SLC13A4: variants seen among roughly 807,000 people sequenced by gnomAD.
SLC13A4 encodes the protein solute carrier family 13 member 4, also known as Na(+)/sulfate cotransporter SUT-1.
SLC13A4 carries 28 observed loss-of-function variants against 72.7 expected under a neutral mutation model. The observed-to-expected ratio is 0.39, with a 90% CI of 0.29 to 0.53. SLC13A4 has a LOEUF of 0.53. Ranked by LOEUF, SLC13A4 falls within the 20% of genes least tolerant of loss-of-function variation. The pLI, the probability that SLC13A4 is intolerant of heterozygous loss-of-function variation, is 0.78. For missense variants in SLC13A4, 653 were observed against 788.0 expected, an observed-to-expected ratio of 0.83 and a Z score of 2.05; for synonymous variants, 312 against 325.5, an observed-to-expected ratio of 0.96 and a Z score of 0.45.
chr7:135,694,517 C>A (rs908557501), intron 9 of SLC13A4, among the ~76,000 whole-genome samples: 13 of 152,134 alleles, frequency 8.5e-5, no homozygotes, highest in African/African-American at 2.9e-4. Context: ...CAAGTGTATT[C>A]GTGTGGGGTC....
intron 2 of SLC13A4, among the ~76,000 whole-genome samples, chr7:135,720,523 A>G (rs1584741761): frequency 1.4e-5 from 2 of 144,916 alleles, no homozygotes; most frequent in African/African-American, 5.2e-5. Context: ...CCATAACCTT[A>G]CCCCCATCTC....
intron 15 of SLC13A4, among the ~76,000 whole-genome samples, chr7:135,681,974 T>C (rs1584711209): frequency 6.6e-6 from 1 of 152,218 alleles, no homozygotes; most frequent in South Asian, 2.1e-4. Flanking sequence ...ACACCCACTC[T>C]GTGGAACGTG....
intron 8 of SLC13A4, among the ~76,000 whole-genome samples, chr7:135,696,097 G>C (rs907716170): frequency 6.6e-6 from 1 of 152,170 alleles, no homozygotes; most frequent in African/African-American, 2.4e-5. Context: ...GGGGAGCCTG[G>C]ATGGACCACG....
chr7:135,685,911 A>G (rs902503095), intron 13 of SLC13A4, among the ~76,000 whole-genome samples: 19 of 152,336 alleles, frequency 1.2e-4, no homozygotes, highest in Middle Eastern at 3.4e-3. Context: ...GGGTTTCGTC[A>G]TGGGACATGG....
chr7:135,701,624 A>T, intron 7 of SLC13A4, 56 bp downstream of exon 7: 1 of 1,551,206 alleles, frequency 6.4e-7, no homozygotes, highest in Admixed American at 1.7e-5. Context: ...TGCCCTTGGG[A>T]AGCAGTTCAC....
intron 2 of SLC13A4, among the ~76,000 whole-genome samples, chr7:135,710,668 TTG>T (rs772583204): frequency 4.6e-5 from 7 of 152,190 alleles, no homozygotes; most frequent in Non-Finnish European, 7.4e-5. Flanking sequence ...TTTTTAAACT[TTG>T]TGCACGAAAC....
At chr7:135,719,638 G>T (rs192340669) in intron 2 of SLC13A4, among the ~76,000 whole-genome samples, 395 of 152,182 alleles carry the variant, frequency 2.6e-3, no homozygotes, top group Non-Finnish European at 4.2e-3. Flanking sequence ...ACAACTGCCT[G>T]GTGATTCTGG....
intron 2 of SLC13A4, among the ~76,000 whole-genome samples, chr7:135,709,209 G>C (rs913470969): frequency 6.6e-6 from 1 of 151,822 alleles, no homozygotes; most frequent in Non-Finnish European, 1.5e-5. Flanking sequence ...GGGATCAGAA[G>C]CATGAGCCAG....
chr7:135,706,885 C>T (rs895755531), intron 3 of SLC13A4, among the ~76,000 whole-genome samples: 4 of 152,166 alleles, frequency 2.6e-5, no homozygotes, highest in Admixed American at 2.0e-4. Flanking sequence ...CATCTTAAAG[C>T]GTCAACACTT....
chr7:135,710,912 C>T lies in SLC13A4; in HGVS notation c.229-2662G>A, dbSNP rs556694798. Among the ~76,000 whole-genome samples the T allele has an allele frequency of 2.6e-4, 37 of 142,422 alleles. No homozygotes were observed. In the South Asian group the frequency reaches 8.1e-3, roughly 31 times the overall value. The allele number at this position is 142,422 out of a possible 152,430, so 93.4% of individuals were successfully genotyped here. ...TACTGTCACGAATGCCCCCTGGGGG[C>T]AGGGAAGGCCCCCTGCTCTGGACAG... On this transcript the variant is annotated intron_variant, in intron 2 of 15. Coordinates refer to ENST00000682651, the MANE Select transcript of SLC13A4 (RefSeq NM_001318192.2).
At chr7:135,723,903 C>A (rs886946526) in intron 1 of SLC13A4, among the ~76,000 whole-genome samples, 8 of 151,748 alleles carry the variant, frequency 5.3e-5, no homozygotes, top group Non-Finnish European at 1.0e-4. Context: ...ACAACAGAAC[C>A]AATGGTGGAA....
rs1049627496 is a variant in SLC13A4 at position 135,721,590 on chromosome 7, C to A, written c.100-67G>T. 3.1e-6 allele frequency: 5 copies of A among 1,592,988 alleles called. No individual in the cohort carries two copies. The East Asian group carries it at 9.1e-5, about 29-fold the overall frequency. ...ACTGCCACTGAGCGTCCGGATGCAACCCTGGCATCTGAGGCAGCAGACTCA... is the reference window on the plus strand; with the variant it reads ...ACTGCCACTGAGCGTCCGGATGCAAACCTGGCATCTGAGGCAGCAGACTCA... On this transcript the variant is annotated intron_variant, in intron 1 of 15. Transcript: ENST00000682651.
intron 2 of SLC13A4, 128 bp downstream of exon 2, chr7:135,721,267 G>A: frequency 9.2e-7 from 1 of 1,081,380 alleles, no homozygotes; most frequent in Non-Finnish European, 1.4e-6. Flanking sequence ...TTAGTGTTAA[G>A]GGGTCATTCC....
chr7:135,712,672 G>C (rs1039233878), intron 2 of SLC13A4, among the ~76,000 whole-genome samples: 1 of 152,188 alleles, frequency 6.6e-6, no homozygotes, highest in Non-Finnish European at 1.5e-5. Context: ...TCCATGCACA[G>C]AGCAAAGCCA....
intron 10 of SLC13A4, among the ~76,000 whole-genome samples, chr7:135,693,825 G>A (rs559829255): frequency 2.3e-4 from 35 of 152,314 alleles, no homozygotes; most frequent in Non-Finnish European, 3.7e-4. Flanking sequence ...GGCTTTGGAA[G>A]GAATTCACAT....
At chr7:135,702,614 G>A (rs75915878) in intron 6 of SLC13A4, 18,090 of 487,768 alleles carry the variant, frequency 0.037, 394 homozygotes, top group Middle Eastern at 0.058. Flanking sequence ...GGCCTCAAGT[G>A]GTCCTCCTGC....
At chr7:135,698,720 T>A (rs1420119539) in intron 8 of SLC13A4, among the ~76,000 whole-genome samples, 7 of 151,182 alleles carry the variant, frequency 4.6e-5, no homozygotes, top group Non-Finnish European at 1.0e-4. Context: ...CTGCAACCTC[T>A]GCTTCCCAGG....
At chr7:135,685,806 TCTGA>T (rs1795609511) in intron 13 of SLC13A4, 123 bp from the exon 14 acceptor site, 1 of 853,168 alleles carries the variant, frequency 1.2e-6, no homozygotes, top group African/African-American at 1.7e-5. Context: ...TGATCTTTAG[TCTGA>T]CTGGAACCAG....
intron 1 of SLC13A4, among the ~76,000 whole-genome samples, chr7:135,724,016 C>G (rs1166658933): frequency 6.6e-6 from 1 of 152,248 alleles, no homozygotes; most frequent in African/African-American, 2.4e-5. Context: ...GTGTTCTCAT[C>G]TCTCTTCTGG....
Sources: allele counts gnomAD v4.1 joint callset (sites outside exome capture counted in the v4.1 genomes callset), GRCh38; gene constraint gnomAD v4.1.1; transcripts MANE v1.5; gene names NCBI Gene and HGNC (gene_info 2026-07-23, HGNC 2026-07-21).